The following SORCS3 variants were observed in gnomAD, a reference collection of about 807,000 sequenced individuals.
SORCS3 encodes the protein sortilin related VPS10 domain containing receptor 3, also known as VPS10 domain-containing receptor SorCS3.
In SORCS3, 57 loss-of-function variants were observed where a neutral mutation model predicts 146.3. That is an observed-to-expected ratio of 0.39 (90% CI 0.31 to 0.49). The LOEUF is 0.49. Ranked by LOEUF, SORCS3 falls within the 20% of genes least tolerant of loss-of-function variation. The pLI is 0.92. For missense variants in SORCS3, 1,341 were observed against 1,575.5 expected (o/e 0.85, Z 2.52); for synonymous variants, 653 against 618.5 (o/e 1.06, Z -0.83).
At chr10:105,166,215 A>G (rs576969861) in intron 12 of SORCS3, among the ~76,000 whole-genome samples, 2 of 152,202 alleles carry the variant, frequency 1.3e-5, no homozygotes, top group African/African-American at 4.8e-5. Flanking sequence ...GGGCATATAT[A>G]TAGGAGGCCC....
chr10:105,140,412 G>A (rs1230358283), intron 8 of SORCS3, among the ~76,000 whole-genome samples: 3 of 152,076 alleles, frequency 2.0e-5, no homozygotes, highest in African/African-American at 7.2e-5. Flanking sequence ...TAAACTCTAT[G>A]AGTAGAGTAG....
rs147201453 is a variant in SORCS3 at position 104,985,899 on chromosome 10, G to C, written c.954+8406G>C. Among the ~76,000 whole-genome samples, 44 of 152,254 alleles carry C rather than the reference G, an allele frequency of 2.9e-4. No homozygotes were observed. In the East Asian group the frequency reaches 7.9e-3, roughly 27 times the overall value. On this transcript the variant is annotated intron_variant, in intron 4 of 26. Coordinates refer to ENST00000369701, the MANE Select transcript of SORCS3 (RefSeq NM_014978.3). ...GATGTGCTGTCATGCAGGCTTTGCTGGTCCATTTATAGAGCACAGGCAGAG... is the reference window on the plus strand; with the variant it reads ...GATGTGCTGTCATGCAGGCTTTGCTCGTCCATTTATAGAGCACAGGCAGAG...
At chr10:104,835,257 T>C (rs1186839767) in intron 1 of SORCS3, among the ~76,000 whole-genome samples, 2 of 152,156 alleles carry the variant, frequency 1.3e-5, no homozygotes, top group East Asian at 3.9e-4. Flanking sequence ...AGACTTAAAA[T>C]ACACTCCTGC....
intron 1 of SORCS3, among the ~76,000 whole-genome samples, chr10:104,726,107 C>T (rs2016628724): frequency 6.6e-6 from 1 of 152,198 alleles, no homozygotes; most frequent in African/African-American, 2.4e-5. Context: ...CCTTTTCGGC[C>T]ATCTTTGATC....
At chr10:105,104,619 G>A (rs939694394) in intron 6 of SORCS3, among the ~76,000 whole-genome samples, 1 of 152,182 alleles carries the variant, frequency 6.6e-6, no homozygotes. Context: ...TAATAAAAAT[G>A]TATCTAATGT....
Position 105,263,423 on chromosome 10 carries a change from T to G in SORCS3, c.*49T>G. ...CACCTTTCTGACTTTTTATTTTTGA[T>G]GATTACTATTACTATTATTATGGAA... On this transcript the variant is annotated 3_prime_UTR_variant, in exon 27 of 27. Coordinates refer to ENST00000369701, the MANE Select transcript of SORCS3 (RefSeq NM_014978.3). 6.5e-7 allele frequency: 1 copy of G among 1,528,354 alleles called. No homozygotes were observed. The highest frequency in any genetic ancestry group is 1.4e-5 in the African/African-American group (1 of 73,158). 94.7% of individuals were successfully genotyped at this position (1,528,354 alleles called of 1,614,324 possible).
intron 1 of SORCS3, among the ~76,000 whole-genome samples, chr10:104,755,109 T>C (rs2017033260): frequency 6.6e-6 from 1 of 152,220 alleles, no homozygotes; most frequent in Non-Finnish European, 1.5e-5. Flanking sequence ...TATAAATATA[T>C]GTGTGTTAGT....
chr10:105,141,572 C>T (rs922917526), intron 8 of SORCS3, among the ~76,000 whole-genome samples: 1 of 152,182 alleles, frequency 6.6e-6, no homozygotes, highest in Non-Finnish European at 1.5e-5. Context: ...CTGCTCCCAG[C>T]TTACATGCTC....
chr10:105,084,761 C>T (rs1297537180), intron 5 of SORCS3, among the ~76,000 whole-genome samples: 3 of 149,846 alleles, frequency 2.0e-5, no homozygotes, highest in African/African-American at 4.9e-5. Flanking sequence ...GATGGAGTCT[C>T]GCTCTGTCGC....
At chr10:105,049,729 T>C (rs2055398103) in intron 5 of SORCS3, among the ~76,000 whole-genome samples, 1 of 152,018 alleles carries the variant, frequency 6.6e-6, no homozygotes, top group Non-Finnish European at 1.5e-5. Flanking sequence ...GAAGACCAAA[T>C]AGCACATGTT....
intron 1 of SORCS3, among the ~76,000 whole-genome samples, chr10:104,792,548 T>A (rs1008250268): frequency 1.3e-5 from 2 of 152,212 alleles, no homozygotes; most frequent in Non-Finnish European, 2.9e-5. Context: ...GCTTGCACTA[T>A]TTCTGGCAGT....
chr10:105,072,484 G>C (rs957204156), intron 5 of SORCS3, among the ~76,000 whole-genome samples: 2 of 152,086 alleles, frequency 1.3e-5, no homozygotes, highest in Admixed American at 6.5e-5. Flanking sequence ...TTCCCAGGCT[G>C]ATGGATACAA....
intron 1 of SORCS3, among the ~76,000 whole-genome samples, chr10:104,836,297 G>A (rs946833022): frequency 2.6e-5 from 4 of 152,094 alleles, no homozygotes; most frequent in African/African-American, 9.7e-5. Context: ...AAGGCAGCAG[G>A]TTAAGGAGGG....
In SORCS3 at chr10:104,915,847, G is replaced by A; in HGVS notation, c.710G>A (p.Gly237Asp). 6.2e-7 allele frequency: 1 copy of A among 1,613,944 alleles called. No homozygotes were observed. The highest frequency in any genetic ancestry group is 8.5e-7 in the Non-Finnish European group (1 of 1,179,914). The change falls in exon 3 of 27, where the codon GGC (glycine) becomes GAC (aspartate). Residue 237 changes from glycine to aspartate, a missense_variant. Gly to Asp is a moderately conservative substitution (Grantham distance 94, BLOSUM62 -1). Transcript: ENST00000369701. Reference sequence around the variant, plus strand: ...TTTACCTGCAGGTCGACAGATTATGGCACCACCTATGAAAAGCTGAATGAC... The same window carrying A: ...TTTACCTGCAGGTCGACAGATTATGACACCACCTATGAAAAGCTGAATGAC... Reference protein sequence around the residue: ...ESSLWRSTDYGTTYEKLNDKV... With the variant: ...ESSLWRSTDYDTTYEKLNDKV...
intron 1 of SORCS3, among the ~76,000 whole-genome samples, chr10:104,726,979 T>C (rs1004827605): frequency 3.3e-5 from 5 of 152,218 alleles, no homozygotes; most frequent in African/African-American, 1.2e-4. Flanking sequence ...GAATTCCCTG[T>C]TGGGCCTCTG....
intron 4 of SORCS3, among the ~76,000 whole-genome samples, chr10:105,011,348 C>T (rs1177023873): frequency 6.6e-6 from 1 of 152,140 alleles, no homozygotes. Flanking sequence ...TTCTCTCCTT[C>T]CTCCTCTGAC....
chr10:104,975,629 C>G (rs1252790332), intron 3 of SORCS3, among the ~76,000 whole-genome samples: 1 of 152,182 alleles, frequency 6.6e-6, no homozygotes, highest in African/African-American at 2.4e-5. Flanking sequence ...AAGAACAAAG[C>G]TGGAGGCATC....
At chr10:104,846,927 T>C (rs146259875) in intron 2 of SORCS3, among the ~76,000 whole-genome samples, 1 of 152,304 alleles carries the variant, frequency 6.6e-6, no homozygotes, top group Non-Finnish European at 1.5e-5. Flanking sequence ...CATCTGAGCC[T>C]CCTTCCACAG....
chr10:104,702,421 A>G (rs1445653181), intron 1 of SORCS3, among the ~76,000 whole-genome samples: 1 of 152,068 alleles, frequency 6.6e-6, no homozygotes, highest in African/African-American at 2.4e-5. Flanking sequence ...GTAGCTGGGA[A>G]TACAGGTACC....
Sources: allele counts gnomAD v4.1 joint callset (sites outside exome capture counted in the v4.1 genomes callset), GRCh38; gene constraint gnomAD v4.1.1; transcripts MANE v1.5; gene names NCBI Gene and HGNC (gene_info 2026-07-23, HGNC 2026-07-21).